Variants in GCLC observed in about 807,000 individuals in gnomAD.
GCLC encodes the protein glutamate-cysteine ligase catalytic subunit.
Under a neutral mutation model 81.5 loss-of-function variants are expected in GCLC, and 30 were observed. The observed-to-expected ratio is 0.37, with a 90% CI of 0.28 to 0.50. The LOEUF is 0.50. Among genes scored for constraint, GCLC ranks in the 20% least tolerant of loss-of-function variants. GCLC has a pLI of 0.96. For synonymous variants in GCLC, 262 were observed against 273.3 expected (o/e 0.96, Z 0.41); for missense variants, 556 against 777.4 (o/e 0.72, Z 3.39).
At chr6:53,533,520 G>A (rs1037858488) in intron 1 of GCLC, among the ~76,000 whole-genome samples, 1 of 152,078 alleles carries the variant, frequency 6.6e-6, no homozygotes, top group Non-Finnish European at 1.5e-5. Flanking sequence ...TTTTTCAGTT[G>A]ATGGTAAAGT....
intron 2 of GCLC, 140 bp downstream of exon 2, chr6:53,522,275 A>G: frequency 1.5e-6 from 1 of 670,242 alleles, no homozygotes; most frequent in South Asian, 1.6e-5. Flanking sequence ...AGGAACCATG[A>G]TTTGAAACTA....
At chr6:53,538,177 C>T (rs1439511675) in intron 1 of GCLC, among the ~76,000 whole-genome samples, 2 of 131,774 alleles carry the variant, frequency 1.5e-5, no homozygotes, top group Non-Finnish European at 3.1e-5. Flanking sequence ...GAGATGGGGT[C>T]CCACTTGGTC....
chr6:53,511,508 A>G (rs1009343539), intron 6 of GCLC, among the ~76,000 whole-genome samples: 10 of 152,144 alleles, frequency 6.6e-5, no homozygotes, highest in African/African-American at 2.4e-4. Context: ...ATGGCCTAGT[A>G]TACAATACAT....
At chr6:53,526,506 G>C (rs1236298201) in intron 1 of GCLC, among the ~76,000 whole-genome samples, 1 of 152,106 alleles carries the variant, frequency 6.6e-6, no homozygotes, top group East Asian at 1.9e-4. Flanking sequence ...CTTAGAATTT[G>C]AGGAATGGCA....
chr6:53,537,728 C>T (rs147803005), intron 1 of GCLC, among the ~76,000 whole-genome samples: 8 of 151,948 alleles, frequency 5.3e-5, no homozygotes, highest in African/African-American at 1.7e-4. Flanking sequence ...AAGCAAGTTT[C>T]AGTTAACTGT....
chr6:53,537,813 A>G (rs1763282124), intron 1 of GCLC, among the ~76,000 whole-genome samples: 1 of 152,042 alleles, frequency 6.6e-6, no homozygotes, highest in Non-Finnish European at 1.5e-5. Context: ...AATAAGATAT[A>G]CTGGATGTTT....
chr6:53,537,008 A>G (rs1763267804), intron 1 of GCLC, among the ~76,000 whole-genome samples: 1 of 152,238 alleles, frequency 6.6e-6, no homozygotes, highest in Non-Finnish European at 1.5e-5. Flanking sequence ...GGCTAAACCT[A>G]TTCACTGCAT....
At chr6:53,509,306 G>A (rs1581732099) in intron 6 of GCLC, 56 bp from the exon 7 acceptor site, 11 of 1,049,936 alleles carry the variant, frequency 1.0e-5, no homozygotes, top group South Asian at 6.3e-5. Flanking sequence ...TGCTCCCCAA[G>A]CAGTGAAGTC....
intron 4 of GCLC, 136 bp downstream of exon 4, chr6:53,515,973 A>G (rs1764863147): frequency 3.0e-6 from 2 of 673,682 alleles, no homozygotes; most frequent in East Asian, 5.8e-5. Flanking sequence ...CACATCTGCT[A>G]TCTTCTCTGG....
chr6:53,530,904 G>C (rs1763160522), intron 1 of GCLC, among the ~76,000 whole-genome samples: 1 of 151,992 alleles, frequency 6.6e-6, no homozygotes, highest in Non-Finnish European at 1.5e-5. Flanking sequence ...TCTCTGTTTG[G>C]AGCCTATTAA....
chr6:53,541,326 C>T (rs953013741), intron 1 of GCLC, among the ~76,000 whole-genome samples: 4 of 152,160 alleles, frequency 2.6e-5, no homozygotes, highest in Non-Finnish European at 4.4e-5. Context: ...CAAGGTTTCA[C>T]TGAAGTGCCA....
chr6:53,507,130 T>C (rs2127620800), intron 9 of GCLC, 105 bp from the exon 10 acceptor site: 2 of 746,568 alleles, frequency 2.7e-6, no homozygotes, highest in Non-Finnish European at 4.9e-6. Context: ...AGAAAGGGTG[T>C]CTAGAAGCTT....
At chr6:53,541,611 TG>T (rs1416000835) in intron 1 of GCLC, among the ~76,000 whole-genome samples, 3 of 145,872 alleles carry the variant, frequency 2.1e-5, no homozygotes, top group African/African-American at 5.1e-5. Flanking sequence ...GTTAGTAGGG[TG>T]GGGGGGCGGT....
chr6:53,539,148 C>T (rs1763309639), intron 1 of GCLC, among the ~76,000 whole-genome samples: 1 of 152,170 alleles, frequency 6.6e-6, no homozygotes, highest in Non-Finnish European at 1.5e-5. Flanking sequence ...CAAACAAAAC[C>T]CATATCTGAA....
At chr6:53,516,337 G>A in intron 3 of GCLC, 115 bp from the exon 4 acceptor site, 1 of 728,856 alleles carries the variant, frequency 1.4e-6, no homozygotes, top group Non-Finnish European at 2.5e-6. Context: ...CCCCTTTTCA[G>A]AGGGCTTTGT....
rs1207032356 is a variant in GCLC at position 53,500,371 on chromosome 6, G to A, written c.1478-21C>T. On this transcript the variant is annotated intron_variant, in intron 13 of 15. Transcript: ENST00000650454. Reference sequence around the variant, plus strand: ...GCCACCTGCCGGAGAAGAGGGTCAGGGGAGCTTTAGCAGCTTGTTGCAGCA... The same window carrying A: ...GCCACCTGCCGGAGAAGAGGGTCAGAGGAGCTTTAGCAGCTTGTTGCAGCA... The A allele has an allele frequency of 1.2e-5, 19 of 1,612,078 alleles. No individual in the cohort carries two copies. The Middle Eastern group carries it at 5.0e-4, about 42-fold the overall frequency.
rs752702063 is a variant in GCLC at position 53,505,400 on chromosome 6, G to A, written c.1387C>T (p.Leu463=). 5.4e-6 allele frequency: 8 copies of A among 1,485,830 alleles called. No homozygotes were observed. The highest frequency in any genetic ancestry group is 7.5e-6 in the Non-Finnish European group (8 of 1,063,062). The allele number at this position is 1,485,830 out of a possible 1,614,324, so 92.0% of individuals were successfully genotyped here. A position where few individuals can be genotyped will look rare whatever the true frequency, so the allele number is the denominator to read the frequency against. The change falls in exon 12 of 16, where the codon CTG becomes TTG. Residue 463 remains leucine (L), a synonymous_variant. Coordinates refer to ENST00000650454, the MANE Select transcript of GCLC (RefSeq NM_001498.4). ...AAGAAACATATCCTTACCTTTGACA[G>A]TGGAATGAGAAAATCCAATTTGTAG... The part of the protein sequence containing the change: ...LSYKLDFLIP[L]SKVDENMKVA...
intron 4 of GCLC, among the ~76,000 whole-genome samples, chr6:53,515,744 T>C (rs1764857907): frequency 6.6e-6 from 1 of 151,574 alleles, no homozygotes; most frequent in Admixed American, 6.6e-5. Context: ...TCACAGATAC[T>C]GATGGTTAGA....
intron 1 of GCLC, among the ~76,000 whole-genome samples, chr6:53,540,348 C>T (rs1481303673): frequency 6.7e-6 from 1 of 150,202 alleles, no homozygotes; most frequent in East Asian, 1.9e-4. Context: ...AAAGAAAATC[C>T]TACAGTATGG....
Sources: gnomAD v4.1 joint callset for allele counts (sites outside exome capture counted in the v4.1 genomes callset) on GRCh38, gnomAD v4.1.1 for gene constraint, MANE v1.5 for transcripts, NCBI Gene and HGNC (gene_info 2026-07-23, HGNC 2026-07-21) for gene names.